Variants in WDR25 observed in about 807,000 individuals in gnomAD.
WDR25 encodes the protein WD repeat domain 25, also known as WD repeat-containing protein 25.
In WDR25, 35 loss-of-function variants were observed where a neutral mutation model predicts 47.7. The ratio of observed to expected loss-of-function variants is 0.73; its 90% CI spans 0.56 to 0.97. The LOEUF is 0.97. WDR25 is among the 50% of genes least tolerant of loss of function. The pLI is 0.00. For missense variants in WDR25, 634 were observed against 704.7 expected, an observed-to-expected ratio of 0.90 and a Z score of 1.14; for synonymous variants, 248 against 278.9, an observed-to-expected ratio of 0.89 and a Z score of 1.10.
At chr14:100,413,388 C>T (rs1350482855) in intron 2 of WDR25, among the ~76,000 whole-genome samples, 1 of 151,246 alleles carries the variant, frequency 6.6e-6, no homozygotes, top group African/African-American at 2.4e-5. Flanking sequence ...TAGGTTGGTA[C>T]AAAAGTAATT....
At position 100,529,119 on chromosome 14, in the gene WDR25, C is replaced by T; in HGVS notation, c.1324C>T (p.Leu442=). 1.3e-6 allele frequency: 2 copies of T among 1,593,950 alleles called. No homozygotes were observed. Among genetic ancestry groups the T allele is most frequent in the Non-Finnish European group, 1.7e-6 (2 of 1,164,638 alleles). The change falls in exon 6 of 7, where the codon CTG becomes TTG. Residue 442 remains leucine (L), a synonymous_variant. Transcript: ENST00000402312. This position sits in a 1 kb window ranked among gnomAD's most constrained non-coding sequence, Gnocchi z 5.1. The part of the protein sequence containing the change: ...LALHPREPVF[L]AQTNGNYLAL... ...CTTGCACCCGAGAGAGCCCGTGTTC[C>T]TGGCACAGACCAATGGCAACTACCT...
chr14:100,456,708 A>G (rs1899215888), intron 2 of WDR25, among the ~76,000 whole-genome samples: 1 of 152,220 alleles, frequency 6.6e-6, no homozygotes, highest in African/African-American at 2.4e-5. Flanking sequence ...AGGGAACAAA[A>G]AGCTTGGGGG....
intron 2 of WDR25, among the ~76,000 whole-genome samples, chr14:100,444,744 G>T (rs1336920616): frequency 6.6e-6 from 1 of 152,218 alleles, no homozygotes; most frequent in Admixed American, 6.5e-5. Flanking sequence ...AGGCAGCGGC[G>T]AAACAGCTCA....
At chr14:100,474,269 A>G (rs1899944547) in intron 3 of WDR25, among the ~76,000 whole-genome samples, 1 of 152,146 alleles carries the variant, frequency 6.6e-6, no homozygotes, top group South Asian at 2.1e-4. Flanking sequence ...AGCTGACCCT[A>G]GTTACGGATA....
chr14:100,482,274 G>A (rs1285467392), intron 3 of WDR25, among the ~76,000 whole-genome samples: 1 of 152,054 alleles, frequency 6.6e-6, no homozygotes, highest in Non-Finnish European at 1.5e-5. Flanking sequence ...TAAGAAAAAT[G>A]GAAGCATATT....
intron 2 of WDR25, among the ~76,000 whole-genome samples, chr14:100,441,552 G>A (rs1024383631): frequency 3.3e-5 from 5 of 152,194 alleles, no homozygotes; most frequent in African/African-American, 1.2e-4. Context: ...GGGGCAGCAG[G>A]GGAGGGTGGA....
intron 2 of WDR25, among the ~76,000 whole-genome samples, chr14:100,391,247 T>C (rs1435036390): frequency 6.6e-6 from 1 of 152,158 alleles, no homozygotes; most frequent in Non-Finnish European, 1.5e-5. Context: ...TCACCTATAT[T>C]TGACCTTCAT....
intron 2 of WDR25, among the ~76,000 whole-genome samples, chr14:100,461,008 T>G (rs1181119496): frequency 6.6e-6 from 1 of 151,434 alleles, no homozygotes; most frequent in African/African-American, 2.4e-5. Flanking sequence ...AGGCCAGGAG[T>G]TTGAGACCAG....
chr14:100,390,391 CTGTGTGTGTGTGTGTGTG>C (rs55802109), intron 2 of WDR25, among the ~76,000 whole-genome samples: 2 of 146,614 alleles, frequency 1.4e-5, no homozygotes, highest in South Asian at 2.2e-4. Context: ...TGACCAAAAG[CTGTGTGTGTGTGTGTGTG>C]TGTGTGTGTG....
intron 1 of WDR25, 174 bp downstream of exon 1, chr14:100,376,669 A>C: frequency 8.1e-7 from 1 of 1,231,478 alleles, no homozygotes. Flanking sequence ...TTGACAGCTC[A>C]GCTAACTCCT....
chr14:100,429,005 A>G (rs1401598659), intron 2 of WDR25, among the ~76,000 whole-genome samples: 1 of 152,160 alleles, frequency 6.6e-6, no homozygotes, highest in Non-Finnish European at 1.5e-5. Flanking sequence ...GCACTTATTG[A>G]ATCAGTGCAT....
chr14:100,437,992 A>G (rs996934889), intron 2 of WDR25, among the ~76,000 whole-genome samples: 1 of 152,164 alleles, frequency 6.6e-6, no homozygotes, highest in Non-Finnish European at 1.5e-5. Flanking sequence ...AGAAATCCCC[A>G]GGGCCCTGTT....
chr14:100,478,286 C>T lies in WDR25; in HGVS notation c.971-5708C>T, dbSNP rs558630045. ...ACCGCGTTACATTTAGCTCTCATGA[C>T]GACCTTACATTTGTAAGAGTGTGAG... On this transcript the variant is annotated intron_variant, in intron 3 of 6. Coordinates refer to ENST00000402312, the MANE Select transcript of WDR25 (RefSeq NM_001161476.3). Among the ~76,000 whole-genome samples, 15 of 152,314 alleles carry T rather than the reference C, an allele frequency of 9.8e-5. No individual in the cohort carries two copies. In the South Asian group the frequency reaches 1.2e-3, roughly 13 times the overall value.
chr14:100,525,361 G>A lies in WDR25; in HGVS notation c.1102-509G>A, dbSNP rs144371438. 1.3e-5 allele frequency among the ~76,000 whole-genome samples: 2 copies of A among 152,348 alleles called. No individual in the cohort carries two copies. Among genetic ancestry groups the A allele is most frequent in the African/African-American group, 4.8e-5 (2 of 41,582 alleles). ...TGATGCTAAAACAATACAAAGTGTC[G>A]TTAAAGCTAAAATATGTCCTGTGAT... is the stretch of plus-strand genomic sequence containing the variant. On this transcript the variant is annotated intron_variant, in intron 4 of 6. Coordinates refer to ENST00000402312, the MANE Select transcript of WDR25 (RefSeq NM_001161476.3). The surrounding 1 kb of genome is among the most constrained non-coding windows in gnomAD (Gnocchi z 4.6).
Position 100,498,652 on chromosome 14 carries a change from T to C in WDR25, c.1101+14528T>C, listed in dbSNP as rs970835468. ...TCTGCAGCAGCTTTAGGGTCTCCCT[T>C]CTCCACCACCTCAGTCCCTGCGTCC... is the stretch of plus-strand genomic sequence containing the variant. On this transcript the variant is annotated intron_variant, in intron 4 of 6. Coordinates refer to ENST00000402312, the MANE Select transcript of WDR25 (RefSeq NM_001161476.3). The surrounding 1 kb of genome is among the most constrained non-coding windows in gnomAD (Gnocchi z 4.2). Among the ~76,000 whole-genome samples the C allele has an allele frequency of 6.6e-6, 1 of 152,124 alleles. No individual in the cohort carries two copies. Among genetic ancestry groups the C allele is most frequent in the African/African-American group, 2.4e-5 (1 of 41,418 alleles).
At position 100,498,625 on chromosome 14, in the gene WDR25, C is replaced by T. The variant is rs73351020; in HGVS notation, c.1101+14501C>T. On this transcript the variant is annotated intron_variant, in intron 4 of 6. Transcript: ENST00000402312. The surrounding 1 kb of genome is among the most constrained non-coding windows in gnomAD (Gnocchi z 4.2). ...ACCCAGTTGGTGGCCCAGCCAGAAA[C>T]CTCTGCAGCAGCTTTAGGGTCTCCC... Among the ~76,000 whole-genome samples, 10,618 of 152,148 alleles carry T rather than the reference C, an allele frequency of 0.07. 1,214 individuals are homozygous for T. Among genetic ancestry groups the T allele is most frequent in the African/African-American group, 0.24 (9,990 of 41,454 alleles).
In WDR25 at chr14:100,499,067, G is replaced by A. The variant is rs538615276; in HGVS notation, c.1101+14943G>A. ...AGGGTGAGGTGGTTGTTCTCTAGAT[G>A]TTCGTTTTGATTAGAAAAGGAATAC... On this transcript the variant is annotated intron_variant, in intron 4 of 6. Coordinates refer to ENST00000402312, the MANE Select transcript of WDR25 (RefSeq NM_001161476.3). The surrounding 1 kb of genome is among the most constrained non-coding windows in gnomAD (Gnocchi z 4.4). Among the ~76,000 whole-genome samples the A allele has an allele frequency of 6.6e-6, 1 of 152,276 alleles. No homozygotes were observed. Among genetic ancestry groups the A allele is most frequent in the South Asian group, 2.1e-4 (1 of 4,818 alleles).
intron 4 of WDR25, among the ~76,000 whole-genome samples, chr14:100,518,848 C>T (rs1048254769): frequency 2.6e-5 from 4 of 151,062 alleles, no homozygotes; most frequent in Non-Finnish European, 4.4e-5. Flanking sequence ...GAGCCAAGAT[C>T]GTGCCACTGC....
intron 4 of WDR25, among the ~76,000 whole-genome samples, chr14:100,486,641 G>C (rs1001233048): frequency 1.3e-5 from 2 of 152,204 alleles, no homozygotes; most frequent in Non-Finnish European, 2.9e-5. Flanking sequence ...CCCGCCTGGG[G>C]CTGCTCACTT....
Sources: gnomAD v4.1 joint callset for allele counts (sites outside exome capture counted in the v4.1 genomes callset) on GRCh38, gnomAD v4.1.1 for gene constraint, Gnocchi (gnomAD v3.1) non-coding constraint, MANE v1.5 for transcripts, NCBI Gene and HGNC (gene_info 2026-07-23, HGNC 2026-07-21) for gene names.